The following DACH1 variants were observed in gnomAD, a reference collection of about 807,000 sequenced individuals.
The protein encoded by DACH1 is dachshund family transcription factor 1, also known as dachshund homolog 1.
A neutral mutation model predicts 54.2 loss-of-function variants in DACH1; 12 were observed. The observed-to-expected ratio is 0.22, with a 90% CI of 0.14 to 0.36. DACH1 has a LOEUF of 0.36. Ranked by LOEUF, DACH1 falls within the 10% of genes least tolerant of loss-of-function variation. The pLI, the probability that DACH1 is intolerant of heterozygous loss-of-function variation, is 1.00. For synonymous variants in DACH1, 386 were observed against 366.2 expected, an observed-to-expected ratio of 1.05 and a Z score of -0.62; for missense variants, 805 against 929.8, an observed-to-expected ratio of 0.87 and a Z score of 1.75.
intron 1 of DACH1, among the ~76,000 whole-genome samples, chr13:71,826,881 A>G (rs1298049155): frequency 6.6e-6 from 1 of 152,000 alleles, no homozygotes; most frequent in Non-Finnish European, 1.5e-5. Flanking sequence ...GTGAATCTTC[A>G]TTTACTATTA....
At chr13:71,860,140 A>T (rs1874254784) in intron 1 of DACH1, among the ~76,000 whole-genome samples, 1 of 151,704 alleles carries the variant, frequency 6.6e-6, no homozygotes, top group South Asian at 2.1e-4. Context: ...GTGTAGTCTT[A>T]GCTAGAATAT....
At position 71,575,789 on chromosome 13, in the gene DACH1, C is replaced by T. The variant is rs1183170375; in HGVS notation, c.1127-2777G>A. On this transcript the variant is annotated intron_variant, in intron 3 of 10. Coordinates refer to ENST00000613252, the MANE Select transcript of DACH1 (RefSeq NM_080759.6). ...GCTTCTAGCCATCTCCGCCAATCAT[C>T]ATTTGTTAAATACTCATGATGTTAG... 2.0e-5 allele frequency among the ~76,000 whole-genome samples: 3 copies of T among 152,024 alleles called. No homozygotes were observed. In the East Asian group the frequency reaches 5.8e-4, roughly 29 times the overall value.
At chr13:71,765,432 T>A (rs1157215375) in intron 1 of DACH1, among the ~76,000 whole-genome samples, 1 of 152,244 alleles carries the variant, frequency 6.6e-6, no homozygotes, top group Non-Finnish European at 1.5e-5. Flanking sequence ...CTAACTAGCC[T>A]TCTTGCCTCC....
intron 6 of DACH1, among the ~76,000 whole-genome samples, chr13:71,517,170 T>C (rs1261665387): frequency 6.6e-6 from 1 of 151,834 alleles, no homozygotes; most frequent in Non-Finnish European, 1.5e-5. Context: ...ACTCAATGGA[T>C]TAGTCACAGA....
At chr13:71,699,172 G>A (rs541131233) in intron 1 of DACH1, among the ~76,000 whole-genome samples, 1 of 152,210 alleles carries the variant, frequency 6.6e-6, no homozygotes, top group Non-Finnish European at 1.5e-5. Context: ...GGCAAATTCA[G>A]CTTTCAAAAG....
intron 1 of DACH1, among the ~76,000 whole-genome samples, chr13:71,814,348 T>C (rs568193748): frequency 6.6e-6 from 1 of 152,372 alleles, no homozygotes; most frequent in South Asian, 2.1e-4. Flanking sequence ...TAGAATACTT[T>C]GTGAAAATAT....
At chr13:71,580,587 C>T (rs1872764614) in intron 3 of DACH1, among the ~76,000 whole-genome samples, 1 of 152,178 alleles carries the variant, frequency 6.6e-6, no homozygotes, top group Non-Finnish European at 1.5e-5. Flanking sequence ...ATTTTTCCCA[C>T]TTGAGGAAAA....
Position 71,556,381 on chromosome 13 carries a change from ATACG to A in DACH1, c.1570+639_1570+642del, listed in dbSNP as rs1566338631. On this transcript the variant is annotated intron_variant, in intron 6 of 10. Transcript: ENST00000613252. ...ACAATTTAACACTTACAATTTGAAA[ATACG>A]TATTTGCATCTCCAAGAATAAATTT... Among the ~76,000 whole-genome samples, 9 of 152,292 alleles carry A rather than the reference ATACG, an allele frequency of 5.9e-5. No homozygotes were observed. In the South Asian group the frequency reaches 1.2e-3, roughly 21 times the overall value.
At chr13:71,777,685 T>C (rs1043124371) in intron 1 of DACH1, among the ~76,000 whole-genome samples, 2 of 152,158 alleles carry the variant, frequency 1.3e-5, no homozygotes, top group Non-Finnish European at 2.9e-5. Flanking sequence ...TTTTGTTTTG[T>C]TTTGTCTAGT....
intron 2 of DACH1, among the ~76,000 whole-genome samples, chr13:71,631,644 T>C (rs1440394118): frequency 6.6e-6 from 1 of 152,186 alleles, no homozygotes; most frequent in Non-Finnish European, 1.5e-5. Flanking sequence ...TGATCACTAT[T>C]ATCCTTACTT....
At chr13:71,792,995 A>G (rs1161638181) in intron 1 of DACH1, among the ~76,000 whole-genome samples, 1 of 152,206 alleles carries the variant, frequency 6.6e-6, no homozygotes, top group Non-Finnish European at 1.5e-5. Flanking sequence ...CTTTTGGAGC[A>G]GCTTTTAACC....
chr13:71,728,357 C>G (rs1883574445), intron 1 of DACH1, among the ~76,000 whole-genome samples: 1 of 151,922 alleles, frequency 6.6e-6, no homozygotes, highest in Non-Finnish European at 1.5e-5. Context: ...ACCTTAACAT[C>G]TCAGGTTAAG....
intron 1 of DACH1, among the ~76,000 whole-genome samples, chr13:71,760,486 C>A (rs1242247067): frequency 6.6e-6 from 1 of 152,148 alleles, no homozygotes; most frequent in Non-Finnish European, 1.5e-5. Context: ...CAGCCTCACT[C>A]AATTATCACA....
At chr13:71,593,760 TTCA>T (rs1222115156) in intron 3 of DACH1, among the ~76,000 whole-genome samples, 6 of 152,060 alleles carry the variant, frequency 3.9e-5, no homozygotes, top group African/African-American at 1.2e-4. Flanking sequence ...ATTCCCATTT[TTCA>T]TCATCATTTC....
intron 3 of DACH1, among the ~76,000 whole-genome samples, chr13:71,612,398 G>A (rs1875400854): frequency 6.6e-6 from 1 of 151,930 alleles, no homozygotes; most frequent in Admixed American, 6.6e-5. Flanking sequence ...TTTACCTTAT[G>A]TCATCAAGGT....
chr13:71,455,817 A>G (rs1875509039), intron 10 of DACH1, among the ~76,000 whole-genome samples: 1 of 152,166 alleles, frequency 6.6e-6, no homozygotes, highest in Non-Finnish European at 1.5e-5. Flanking sequence ...GCTGAGATCT[A>G]TTTCAGTTAA....
chr13:71,541,234 A>C (rs931222063), intron 6 of DACH1, among the ~76,000 whole-genome samples: 25 of 152,044 alleles, frequency 1.6e-4, no homozygotes, highest in Admixed American at 5.9e-4. Context: ...AACTAGGTGC[A>C]AGAGATTTAC....
At chr13:71,603,735 A>G (rs547442061) in intron 3 of DACH1, among the ~76,000 whole-genome samples, 1 of 152,114 alleles carries the variant, frequency 6.6e-6, no homozygotes, top group African/African-American at 2.4e-5. Flanking sequence ...TATATAAATT[A>G]CCTATCAAGA....
chr13:71,688,243 A>C (rs2138716669), intron 1 of DACH1, among the ~76,000 whole-genome samples: 1 of 152,348 alleles, frequency 6.6e-6, no homozygotes, highest in Admixed American at 6.5e-5. Flanking sequence ...GGACTTCCTA[A>C]GATTAATGTA....
Sources: allele counts gnomAD v4.1 joint callset (sites outside exome capture counted in the v4.1 genomes callset), GRCh38; gene constraint gnomAD v4.1.1; transcripts MANE v1.5; gene names NCBI Gene and HGNC (gene_info 2026-07-23, HGNC 2026-07-21).